The following CACNA2D3 variants were observed in gnomAD, a reference collection of about 807,000 sequenced individuals.
The protein encoded by CACNA2D3 is voltage-dependent calcium channel subunit alpha-2/delta-3.
A neutral mutation model predicts 160.6 loss-of-function variants in CACNA2D3; 60 were observed. The ratio of observed to expected loss-of-function variants is 0.37; its 90% CI spans 0.30 to 0.46. The LOEUF is 0.46. CACNA2D3 is among the 20% of genes least tolerant of loss of function. The pLI, the probability that CACNA2D3 is intolerant of heterozygous loss-of-function variation, is 1.00. For missense variants in CACNA2D3, 1,205 were observed against 1,365.0 expected (o/e 0.88, Z 1.85); for synonymous variants, 558 against 492.9 (o/e 1.13, Z -1.75).
intron 9 of CACNA2D3, among the ~76,000 whole-genome samples, chr3:54,614,235 G>C (rs985134724): frequency 6.6e-6 from 1 of 152,204 alleles, no homozygotes; most frequent in African/African-American, 2.4e-5. Context: ...ACCAGAGGAC[G>C]TTGTACCTAA....
intron 2 of CACNA2D3, among the ~76,000 whole-genome samples, chr3:54,260,863 G>A (rs1194583240): frequency 2.6e-5 from 4 of 152,150 alleles, no homozygotes; most frequent in Non-Finnish European, 5.9e-5. Flanking sequence ...CATTAGAGGA[G>A]CTTGCCATAA....
At chr3:54,627,565 T>C (rs1699150782) in intron 9 of CACNA2D3, among the ~76,000 whole-genome samples, 1 of 152,214 alleles carries the variant, frequency 6.6e-6, no homozygotes, top group African/African-American at 2.4e-5. Flanking sequence ...AGAGTTCAAC[T>C]GATTTTCTTC....
At chr3:54,229,872 A>T (rs949711033) in intron 2 of CACNA2D3, among the ~76,000 whole-genome samples, 1 of 152,124 alleles carries the variant, frequency 6.6e-6, no homozygotes, top group East Asian at 1.9e-4. Flanking sequence ...GGAAATTGTA[A>T]TATTTGGACA....
intron 35 of CACNA2D3, among the ~76,000 whole-genome samples, chr3:55,060,271 T>C (rs1228246389): frequency 3.3e-5 from 5 of 152,148 alleles, no homozygotes; most frequent in Admixed American, 3.3e-4. Flanking sequence ...AGTTGGGAAA[T>C]GAGTCCATTT....
chr3:54,994,370 G>C (rs1702810749), intron 31 of CACNA2D3, among the ~76,000 whole-genome samples: 1 of 152,210 alleles, frequency 6.6e-6, no homozygotes, highest in South Asian at 2.1e-4. Context: ...CATGTAATGA[G>C]TGTAATGGCT....
intron 11 of CACNA2D3, among the ~76,000 whole-genome samples, chr3:54,691,087 C>T (rs961022898): frequency 1.3e-5 from 2 of 152,152 alleles, no homozygotes; most frequent in Non-Finnish European, 2.9e-5. Context: ...TAGCTGTCTA[C>T]TCTAATGGGG....
At chr3:54,687,121 C>CTTTTTCTTTTTTTTTTTTT in intron 11 of CACNA2D3, among the ~76,000 whole-genome samples, 7 of 94,930 alleles carry the variant, frequency 7.4e-5, no homozygotes, top group African/African-American at 1.2e-4. Flanking sequence ...TTTTCTTTTT[C>CTTTTTCTTTTTTTTTTTTT]TTTTTTTTTT....
At chr3:54,296,998 C>G (rs7649860) in intron 2 of CACNA2D3, among the ~76,000 whole-genome samples, 35,433 of 152,030 alleles carry the variant, frequency 0.23, 4,364 homozygotes, top group South Asian at 0.34. Context: ...CACTTCCTAC[C>G]TAGCGCTTTT....
chr3:54,886,549 T>G (rs886527976), intron 23 of CACNA2D3, among the ~76,000 whole-genome samples: 1 of 152,174 alleles, frequency 6.6e-6, no homozygotes, highest in Non-Finnish European at 1.5e-5. Context: ...TAGATAAAGT[T>G]GAAGCCCCTG....
chr3:54,237,396 C>T (rs1257434279), intron 2 of CACNA2D3, among the ~76,000 whole-genome samples: 1 of 152,070 alleles, frequency 6.6e-6, no homozygotes, highest in Non-Finnish European at 1.5e-5. Context: ...CTAGATCTAC[C>T]TAGGGATGGC....
intron 2 of CACNA2D3, among the ~76,000 whole-genome samples, chr3:54,285,106 G>A (rs931795363): frequency 7.2e-5 from 11 of 152,160 alleles, no homozygotes; most frequent in East Asian, 1.9e-4. Flanking sequence ...GCAGCGCACC[G>A]TGCGCGAGCC....
intron 2 of CACNA2D3, among the ~76,000 whole-genome samples, chr3:54,190,486 A>G (rs1163907757): frequency 6.6e-6 from 1 of 152,160 alleles, no homozygotes; most frequent in African/African-American, 2.4e-5. Context: ...ACCACTTTCC[A>G]CCTTCCCCAA....
chr3:54,896,299 C>T (rs928332470), intron 25 of CACNA2D3, among the ~76,000 whole-genome samples: 5 of 152,182 alleles, frequency 3.3e-5, no homozygotes, highest in Non-Finnish European at 7.3e-5. Context: ...CTTTGCACTT[C>T]TTCTGAGAAG....
intron 17 of CACNA2D3, among the ~76,000 whole-genome samples, chr3:54,856,736 A>G (rs897757307): frequency 2.0e-5 from 3 of 152,200 alleles, no homozygotes; most frequent in African/African-American, 7.2e-5. Flanking sequence ...TGCCTTAGTT[A>G]GATGGTCAGG....
At chr3:54,778,545 T>C (rs1702467063) in intron 13 of CACNA2D3, among the ~76,000 whole-genome samples, 1 of 152,200 alleles carries the variant, frequency 6.6e-6, no homozygotes, top group South Asian at 2.1e-4. Context: ...ATTGATGGCC[T>C]GTTTCCAAAG....
intron 11 of CACNA2D3, among the ~76,000 whole-genome samples, chr3:54,739,454 CCACA>C (rs371963374): frequency 8.0e-5 from 11 of 137,484 alleles, no homozygotes; most frequent in African/African-American, 2.4e-4. Flanking sequence ...AAAAAAAAAA[CCACA>C]CACACACACA....
At chr3:54,441,524 C>A (rs950357162) in intron 4 of CACNA2D3, among the ~76,000 whole-genome samples, 3 of 152,102 alleles carry the variant, frequency 2.0e-5, no homozygotes, top group Non-Finnish European at 4.4e-5. Context: ...GCTTTTGTTG[C>A]CATTGCTTTT....
intron 4 of CACNA2D3, among the ~76,000 whole-genome samples, chr3:54,416,197 C>T (rs983595625): frequency 3.9e-5 from 6 of 152,174 alleles, no homozygotes; most frequent in African/African-American, 7.2e-5. Flanking sequence ...TTGACACTTG[C>T]GTGTTGCTTA....
intron 2 of CACNA2D3, among the ~76,000 whole-genome samples, chr3:54,175,492 A>T (rs1187357704): frequency 6.6e-6 from 1 of 151,846 alleles, no homozygotes; most frequent in Middle Eastern, 3.4e-3. Flanking sequence ...GGGCGCCTGT[A>T]GTCCCAGCTA....
Sources: allele counts gnomAD v4.1 joint callset (sites outside exome capture counted in the v4.1 genomes callset), GRCh38; gene constraint gnomAD v4.1.1; transcripts MANE v1.5; gene names NCBI Gene and HGNC (gene_info 2026-07-23, HGNC 2026-07-21).